The following GRM7 variants were observed in gnomAD, a reference collection of about 807,000 sequenced individuals.
GRM7 encodes the protein glutamate metabotropic receptor 7.
A neutral mutation model predicts 84.5 loss-of-function variants in GRM7; 35 were observed. The observed-to-expected ratio is 0.41, with a 90% CI of 0.32 to 0.55. GRM7 has a LOEUF of 0.55. Among genes scored for constraint, GRM7 ranks in the 20% least tolerant of loss-of-function variants. The pLI, the probability that GRM7 is intolerant of heterozygous loss-of-function variation, is 0.19. For synonymous variants in GRM7, 487 were observed against 455.1 expected, an observed-to-expected ratio of 1.07 and a Z score of -0.89; for missense variants, 1,003 against 1,194.6, an observed-to-expected ratio of 0.84 and a Z score of 2.36.
At chr3:7,215,728 A>T (rs1696587812) in intron 2 of GRM7, among the ~76,000 whole-genome samples, 1 of 152,180 alleles carries the variant, frequency 6.6e-6, no homozygotes, top group South Asian at 2.1e-4. Flanking sequence ...TGTAATATGT[A>T]TATAAAAAGT....
intron 1 of GRM7, among the ~76,000 whole-genome samples, chr3:6,972,569 T>C (rs1165077800): frequency 2.6e-5 from 4 of 152,184 alleles, no homozygotes; most frequent in Non-Finnish European, 1.5e-5. Flanking sequence ...AGCCGAGATT[T>C]AGATACTAAT....
chr3:7,352,060 CACA>C (rs1693180145), intron 4 of GRM7, among the ~76,000 whole-genome samples: 22 of 69,572 alleles, frequency 3.2e-4, no homozygotes, highest in Admixed American at 1.8e-3. Flanking sequence ...ACACACACCA[CACA>C]CACACACACA....
intron 8 of GRM7, among the ~76,000 whole-genome samples, chr3:7,672,865 G>T (rs1053214755): frequency 6.6e-6 from 1 of 152,108 alleles, no homozygotes; most frequent in Non-Finnish European, 1.5e-5. Flanking sequence ...AAAGTGCTGG[G>T]ATTACAGGTG....
intron 1 of GRM7, among the ~76,000 whole-genome samples, chr3:6,873,698 C>T (rs765879571): frequency 4.0e-4 from 61 of 152,188 alleles, no homozygotes; most frequent in Non-Finnish European, 1.3e-4. Flanking sequence ...TAGCCTTATT[C>T]CATTATCCCC....
At chr3:7,539,671 T>C in intron 7 of GRM7, among the ~76,000 whole-genome samples, 1 of 88,940 alleles carries the variant, frequency 1.1e-5, no homozygotes. Flanking sequence ...CAAGACTCTG[T>C]CTCAAAAAAA....
chr3:7,455,161 C>A (rs1697952505), intron 6 of GRM7, among the ~76,000 whole-genome samples: 1 of 152,082 alleles, frequency 6.6e-6, no homozygotes, highest in African/African-American at 2.4e-5. Context: ...AACCATGAGT[C>A]CATACTGATA....
intron 2 of GRM7, among the ~76,000 whole-genome samples, chr3:7,192,889 G>C (rs1341589325): frequency 1.3e-5 from 2 of 152,064 alleles, no homozygotes; most frequent in Admixed American, 1.3e-4. Flanking sequence ...GGTGAATCCT[G>C]CCAATAACCT....
intron 2 of GRM7, among the ~76,000 whole-genome samples, chr3:7,210,910 G>C (rs976880760): frequency 6.6e-6 from 1 of 151,932 alleles, no homozygotes; most frequent in Non-Finnish European, 1.5e-5. Context: ...ATAAAATGGG[G>C]ACTACCCAAT....
intron 1 of GRM7, among the ~76,000 whole-genome samples, chr3:7,084,447 A>G (rs1477849141): frequency 1.3e-5 from 2 of 152,074 alleles, no homozygotes. Flanking sequence ...AGGGAATAAG[A>G]AGTAGTCATA....
chr3:7,649,619 C>T (rs937936851), intron 8 of GRM7, among the ~76,000 whole-genome samples: 8 of 151,758 alleles, frequency 5.3e-5, no homozygotes, highest in African/African-American at 1.5e-4. Flanking sequence ...TGCTAACTTG[C>T]GTGAGTTGAC....
At chr3:7,576,704 A>G (rs73116073) in intron 7 of GRM7, among the ~76,000 whole-genome samples, 3,247 of 152,338 alleles carry the variant, frequency 0.021, 121 homozygotes, top group African/African-American at 0.069. Flanking sequence ...TAAAAATTCA[A>G]TTAACTACAT....
intron 1 of GRM7, among the ~76,000 whole-genome samples, chr3:6,925,518 G>A (rs1697268262): frequency 6.6e-6 from 1 of 152,076 alleles, no homozygotes; most frequent in South Asian, 2.1e-4. Context: ...TACTTAAGAA[G>A]GTTATGTTGT....
intron 8 of GRM7, among the ~76,000 whole-genome samples, chr3:7,605,454 G>A (rs557858056): frequency 6.6e-6 from 1 of 152,194 alleles, no homozygotes; most frequent in African/African-American, 2.4e-5. Flanking sequence ...AAAGAACAGA[G>A]GGAATGCTAT....
At chr3:7,293,473 G>T (rs1699707819) in intron 2 of GRM7, among the ~76,000 whole-genome samples, 2 of 152,162 alleles carry the variant, frequency 1.3e-5, no homozygotes, top group African/African-American at 4.8e-5. Context: ...TGAAAGCTGA[G>T]GTGCTATGAA....
chr3:7,729,788 C>T (rs538910625), intron 9 of GRM7, among the ~76,000 whole-genome samples: 15 of 151,762 alleles, frequency 9.9e-5, no homozygotes, highest in Non-Finnish European at 1.9e-4. Context: ...TCACTGCAAC[C>T]TCCGCCTCCT....
chr3:7,392,571 G>A (rs1197810613), intron 4 of GRM7, among the ~76,000 whole-genome samples: 1 of 152,154 alleles, frequency 6.6e-6, no homozygotes, highest in East Asian at 1.9e-4. Context: ...AGAAACATGG[G>A]CAAGGCACTG....
intron 1 of GRM7, among the ~76,000 whole-genome samples, chr3:6,923,797 C>T (rs768205154): frequency 4.5e-4 from 69 of 152,098 alleles, no homozygotes; most frequent in African/African-American, 1.7e-3. Context: ...TGTTTCTTCC[C>T]GTTTATGGGA....
At chr3:7,682,898 A>G (rs1438052275) in intron 9 of GRM7, among the ~76,000 whole-genome samples, 1 of 152,182 alleles carries the variant, frequency 6.6e-6, no homozygotes, top group African/African-American at 2.4e-5. Flanking sequence ...CAGTAGATCT[A>G]TAGAATAGAT....
At chr3:7,566,318 G>A (rs1694266513) in intron 7 of GRM7, among the ~76,000 whole-genome samples, 1 of 152,072 alleles carries the variant, frequency 6.6e-6, no homozygotes, top group Admixed American at 6.6e-5. Flanking sequence ...AGGCCAGCTT[G>A]TCAGCCCCTG....
Sources: gnomAD v4.1 joint callset for allele counts (sites outside exome capture counted in the v4.1 genomes callset) on GRCh38, gnomAD v4.1.1 for gene constraint, MANE v1.5 for transcripts, NCBI Gene and HGNC (gene_info 2026-07-23, HGNC 2026-07-21) for gene names.